Variants in CFAP20DC observed in about 807,000 individuals in gnomAD.
The protein encoded by CFAP20DC is CFAP20 domain containing.
Under a neutral mutation model 101.7 loss-of-function variants are expected in CFAP20DC, and 84 were observed. The observed-to-expected ratio is 0.83, with a 90% CI of 0.69 to 0.99. The LOEUF is 0.99. CFAP20DC is among the 50% of genes least tolerant of loss of function. The probability of loss-of-function intolerance (pLI) is 0.00; values close to 1 mark genes in which losing one functional copy is unlikely to be tolerated. For synonymous variants in CFAP20DC, 359 were observed against 351.2 expected, an observed-to-expected ratio of 1.02 and a Z score of -0.25; for missense variants, 1,007 against 970.3, an observed-to-expected ratio of 1.04 and a Z score of -0.50.
intron 12 of CFAP20DC, among the ~76,000 whole-genome samples, chr3:58,851,749 A>G (rs191625731): frequency 1.3e-5 from 2 of 152,272 alleles, no homozygotes; most frequent in African/African-American, 4.8e-5. Context: ...CTAACTGAAA[A>G]AAAAACATGC....
chr3:58,925,990 G>A (rs1169996696), intron 5 of CFAP20DC, among the ~76,000 whole-genome samples: 1 of 152,136 alleles, frequency 6.6e-6, no homozygotes, highest in Non-Finnish European at 1.5e-5. Flanking sequence ...GCATAAGAAG[G>A]CATAAGACAG....
At chr3:58,955,113 A>C (rs563640903) in intron 4 of CFAP20DC, among the ~76,000 whole-genome samples, 2 of 152,184 alleles carry the variant, frequency 1.3e-5, no homozygotes, top group African/African-American at 4.8e-5. Context: ...CCAGAGTCCA[A>C]CTGTAGAACA....
chr3:58,757,758 A>C (rs898040627), intron 15 of CFAP20DC, among the ~76,000 whole-genome samples: 56 of 152,110 alleles, frequency 3.7e-4, no homozygotes, highest in African/African-American at 1.1e-3. Flanking sequence ...ACCTCTTTAA[A>C]ATAACCATAG....
At chr3:58,852,683 C>T (rs1256384539) in intron 12 of CFAP20DC, among the ~76,000 whole-genome samples, 1 of 150,478 alleles carries the variant, frequency 6.6e-6, no homozygotes, top group African/African-American at 2.5e-5. Context: ...AAGAATCTCA[C>T]TCAAAACCGC....
At chr3:58,896,838 G>T (rs1006871688) in intron 6 of CFAP20DC, among the ~76,000 whole-genome samples, 1 of 151,960 alleles carries the variant, frequency 6.6e-6, no homozygotes, top group Non-Finnish European at 1.5e-5. Flanking sequence ...TGTCATGTGG[G>T]GATGAGAAGA....
chr3:58,846,580 C>A (rs1421923716), intron 13 of CFAP20DC, among the ~76,000 whole-genome samples: 1 of 149,628 alleles, frequency 6.7e-6, no homozygotes, highest in Non-Finnish European at 1.5e-5. Flanking sequence ...GTGAAAATGG[C>A]CATACTGCCC....
chr3:58,928,520 G>A (rs1435852726), intron 5 of CFAP20DC, among the ~76,000 whole-genome samples: 1 of 152,148 alleles, frequency 6.6e-6, no homozygotes, highest in African/African-American at 2.4e-5. Flanking sequence ...AAATGATACA[G>A]GAACTTTGCA....
At chr3:59,020,738 A>G (rs375461685) in intron 4 of CFAP20DC, among the ~76,000 whole-genome samples, 6 of 152,080 alleles carry the variant, frequency 3.9e-5, no homozygotes, top group South Asian at 2.1e-4. Flanking sequence ...TTTAAACTCA[A>G]TTGTGTGGTT....
chr3:58,760,996 C>CT (rs2069523449), intron 15 of CFAP20DC, among the ~76,000 whole-genome samples: 1 of 152,062 alleles, frequency 6.6e-6, no homozygotes, highest in African/African-American at 2.4e-5. Flanking sequence ...CTAAGATGCT[C>CT]TTTTTTTGTT....
intron 5 of CFAP20DC, among the ~76,000 whole-genome samples, chr3:58,935,370 T>C (rs1459406183): frequency 6.6e-6 from 1 of 152,024 alleles, no homozygotes; most frequent in African/African-American, 2.4e-5. Context: ...ATAGATTCAA[T>C]GCCATCCCCA....
intron 13 of CFAP20DC, among the ~76,000 whole-genome samples, chr3:58,842,216 C>G (rs1268063283): frequency 2.6e-5 from 4 of 152,174 alleles, no homozygotes; most frequent in Non-Finnish European, 4.4e-5. Context: ...GTGAGCGACG[C>G]AGAAGACGGG....
intron 12 of CFAP20DC, among the ~76,000 whole-genome samples, chr3:58,855,285 A>T (rs2078669842): frequency 6.6e-6 from 1 of 152,180 alleles, no homozygotes; most frequent in African/African-American, 2.4e-5. Context: ...AACCACAATG[A>T]GATACCATCT....
At chr3:58,766,429 C>T (rs745560950) in intron 15 of CFAP20DC, among the ~76,000 whole-genome samples, 6 of 152,194 alleles carry the variant, frequency 3.9e-5, no homozygotes, top group Non-Finnish European at 7.3e-5. Flanking sequence ...CCCCTTCCAC[C>T]ACCAAGGTCT....
intron 15 of CFAP20DC, among the ~76,000 whole-genome samples, chr3:58,765,490 C>CAAAAAAAAAAAAAAA (rs1337049385): frequency 3.7e-5 from 3 of 81,828 alleles, no homozygotes; most frequent in African/African-American, 8.8e-5. Flanking sequence ...AAAAAAAAAC[C>CAAAAAAAAAAAAAAA]AAAAAAAAAA....
In CFAP20DC at chr3:58,892,780, A is replaced by C. The variant is rs538365760; in HGVS notation, c.551-8071T>G. ...ATATAGGATCATGTCATCTGCAAAAAGGTAATTTGACTTCCTCTCTTCCTA... is the reference window on the plus strand; with the variant it reads ...ATATAGGATCATGTCATCTGCAAAACGGTAATTTGACTTCCTCTCTTCCTA... On this transcript the variant is annotated intron_variant, in intron 6 of 16. Transcript: ENST00000482387. This position sits in a 1 kb window ranked among gnomAD's most constrained non-coding sequence, Gnocchi z 4.0. Among the ~76,000 whole-genome samples the C allele has an allele frequency of 2.6e-5, 4 of 152,204 alleles. No homozygotes were observed. Among genetic ancestry groups the C allele is most frequent in the Non-Finnish European group, 5.9e-5 (4 of 68,040 alleles).
At chr3:58,742,610 G>T in intron 16 of CFAP20DC, 38 bp from the exon 17 acceptor site, 2 of 1,506,812 alleles carry the variant, frequency 1.3e-6, no homozygotes, top group Non-Finnish European at 1.8e-6. Flanking sequence ...TTAGCTGTTG[G>T]CTTGGCCCGG....
chr3:58,738,353 C>T (rs59485712), downstream of CFAP20DC, among the ~76,000 whole-genome samples: 2 of 152,000 alleles, frequency 1.3e-5, no homozygotes. The surrounding 1 kb of genome is among the most constrained non-coding windows in gnomAD (Gnocchi z 4.4). Context: ...CACCCCACCC[C>T]CAACAGGCCC....
intron 4 of CFAP20DC, chr3:59,018,915 AG>A (rs1210764558): frequency 2.0e-5 from 3 of 152,012 alleles, no homozygotes; most frequent in Admixed American, 6.6e-5. Flanking sequence ...AAATAGCTTG[AG>A]GAAAAAAATG....
Position 58,894,629 on chromosome 3 carries a change from C to T in CFAP20DC, c.551-9920G>A, listed in dbSNP as rs1299450889. 2.0e-5 allele frequency among the ~76,000 whole-genome samples: 3 copies of T among 152,192 alleles called. No homozygotes were observed. The highest frequency in any genetic ancestry group is 7.2e-5 in the African/African-American group (3 of 41,442). ...ACTGTCTGTGGGTTTTCCAGGCACACAGTGCAAGCTGTCAGTGGATCTACC... is the reference window on the plus strand; with the variant it reads ...ACTGTCTGTGGGTTTTCCAGGCACATAGTGCAAGCTGTCAGTGGATCTACC... On this transcript the variant is annotated intron_variant, in intron 6 of 16. Transcript: ENST00000482387. This position sits in a 1 kb window ranked among gnomAD's most constrained non-coding sequence, Gnocchi z 4.1.
Sources: allele counts gnomAD v4.1 joint callset (sites outside exome capture counted in the v4.1 genomes callset), GRCh38; gene constraint gnomAD v4.1.1; non-coding constraint Gnocchi (gnomAD v3.1); transcripts MANE v1.5; gene names NCBI Gene and HGNC (gene_info 2026-07-23, HGNC 2026-07-21).